The following NCK1 variants were observed in gnomAD, a reference collection of about 807,000 sequenced individuals.
The protein encoded by NCK1 is NCK adaptor protein 1.
NCK1 carries 19 observed loss-of-function variants against 36.6 expected under a neutral mutation model. The observed-to-expected ratio is 0.52, with a 90% CI of 0.36 to 0.76. The LOEUF (loss-of-function observed/expected upper bound fraction) is 0.76, where lower values mean the gene tolerates loss of function less well. Ranked by LOEUF, NCK1 falls within the 30% of genes least tolerant of loss-of-function variation. The pLI, the probability that NCK1 is intolerant of heterozygous loss-of-function variation, is 0.00. For synonymous variants in NCK1, 165 were observed against 156.0 expected (o/e 1.06, Z -0.43); for missense variants, 358 against 445.6 (o/e 0.80, Z 1.77).
At chr3:136,895,680 A>G (rs928197357) in intron 1 of NCK1, among the ~76,000 whole-genome samples, 1 of 151,864 alleles carries the variant, frequency 6.6e-6, no homozygotes, top group Non-Finnish European at 1.5e-5. Flanking sequence ...TTCTTGTGCC[A>G]CAGCCTCCCG....
In NCK1 at chr3:136,879,989, TA is replaced by T. The variant is rs891612999; in HGVS notation, c.-19+17649del. On this transcript the variant is annotated intron_variant, in intron 1 of 3. Transcript: ENST00000481752. ...ATGTACCCTAGAACTTAAAGAATATTAAAAAAAAAAAAAGGCTGGGCACAGT... is the reference window on the plus strand; with the variant it reads ...ATGTACCCTAGAACTTAAAGAATATTAAAAAAAAAAAAGGCTGGGCACAGT... 5.9e-3 allele frequency among the ~76,000 whole-genome samples: 710 copies of T among 119,458 alleles called. 20 individuals are homozygous for T. The highest frequency in any genetic ancestry group is 0.016 in the African/African-American group (509 of 31,654). 78.4% of individuals were successfully genotyped at this position (119,458 alleles called of 152,430 possible).
intron 1 of NCK1, among the ~76,000 whole-genome samples, chr3:136,914,642 A>G (rs1165283154): frequency 2.0e-5 from 3 of 152,242 alleles, no homozygotes; most frequent in Admixed American, 2.0e-4. Context: ...GTTAGCAAAC[A>G]TTTATAGAAG....
At position 136,864,723 on chromosome 3, in the gene NCK1, A is replaced by G. The variant is rs536074775; in HGVS notation, c.-19+2370A>G. ...AAGGAAAATAATAAAGAAAAGAGAT[A>G]CTTAGTGATACTTCATGGTTCTGGG... On this transcript the variant is annotated intron_variant, in intron 1 of 3. Transcript: ENST00000481752. Among the ~76,000 whole-genome samples the G allele has an allele frequency of 2.7e-5, 4 of 150,134 alleles. No individual in the cohort carries two copies. The South Asian group carries it at 8.4e-4, about 31-fold the overall frequency.
At position 136,897,936 on chromosome 3, in the gene NCK1, A is replaced by G. The variant is rs138643508; in HGVS notation, c.-18-30048A>G. Among the ~76,000 whole-genome samples the G allele has an allele frequency of 9.7e-4, 148 of 152,322 alleles. 1 individual carries two copies. The highest frequency in any genetic ancestry group is 3.5e-3 in the African/African-American group (145 of 41,572). ...AGCTTCCTAAAAAGCTGTATTATCTAATATCATAATAGGGATGACTAAATA... is the reference window on the plus strand; with the variant it reads ...AGCTTCCTAAAAAGCTGTATTATCTGATATCATAATAGGGATGACTAAATA... On this transcript the variant is annotated intron_variant, in intron 1 of 3. Coordinates refer to ENST00000481752, the MANE Select transcript of NCK1 (RefSeq NM_001291999.2).
intron 1 of NCK1, among the ~76,000 whole-genome samples, chr3:136,866,204 G>A (rs1275660960): frequency 1.3e-5 from 2 of 151,766 alleles, no homozygotes; most frequent in South Asian, 2.1e-4. Flanking sequence ...ATCAGTGCCA[G>A]CACTATTTCT....
chr3:136,931,537 T>G (rs1172573212), intron 2 of NCK1, among the ~76,000 whole-genome samples: 1 of 150,592 alleles, frequency 6.6e-6, no homozygotes, highest in Non-Finnish European at 1.5e-5. Flanking sequence ...TGTTTACTTT[T>G]TGGGGAGTTA....
chr3:136,917,819 C>A (rs1177801459), intron 1 of NCK1, among the ~76,000 whole-genome samples: 1 of 152,198 alleles, frequency 6.6e-6, no homozygotes, highest in Non-Finnish European at 1.5e-5. Context: ...ATTCCCAGAA[C>A]CTTCGCAATG....
At chr3:136,937,301 G>C (rs935130035) in intron 2 of NCK1, among the ~76,000 whole-genome samples, 3 of 152,078 alleles carry the variant, frequency 2.0e-5, no homozygotes, top group African/African-American at 7.2e-5. Context: ...TAGGACTCTC[G>C]ATTCTATTTC....
At chr3:136,908,737 G>C (rs1033487403) in intron 1 of NCK1, among the ~76,000 whole-genome samples, 1 of 152,176 alleles carries the variant, frequency 6.6e-6, no homozygotes. Context: ...TAGCTCTTAG[G>C]AAGAAGAGAA....
At chr3:136,873,630 C>G (rs1186900230) in intron 1 of NCK1, among the ~76,000 whole-genome samples, 1 of 152,016 alleles carries the variant, frequency 6.6e-6, no homozygotes, top group East Asian at 1.9e-4. Flanking sequence ...GGCTGTGTCC[C>G]CACCCATATT....
intron 2 of NCK1, among the ~76,000 whole-genome samples, chr3:136,933,094 G>A (rs1415966095): frequency 6.6e-6 from 1 of 152,192 alleles, no homozygotes; most frequent in Non-Finnish European, 1.5e-5. Flanking sequence ...TGAGAACCTA[G>A]CCTGGCAGCA....
chr3:136,896,471 T>C lies in NCK1; in HGVS notation c.-18-31513T>C, dbSNP rs185483019. Among the ~76,000 whole-genome samples the C allele has an allele frequency of 6.5e-4, 99 of 152,326 alleles. 2 individuals carry two copies. In the East Asian group the frequency reaches 0.016, roughly 24 times the overall value. The stretch of plus-strand genomic sequence containing the variant: ...TGTTGCTGCAAATGACATGATTTCA[T>C]TATTTTTTAATGGCCAAATAGTATC... On this transcript the variant is annotated intron_variant, in intron 1 of 3. Transcript: ENST00000481752.
intron 2 of NCK1, among the ~76,000 whole-genome samples, chr3:136,935,361 G>T (rs1940503922): frequency 6.6e-6 from 1 of 151,788 alleles, no homozygotes; most frequent in Admixed American, 6.6e-5. Flanking sequence ...AACTTAGTCT[G>T]TATTTTCAGG....
Position 136,891,408 on chromosome 3 carries a change from T to A in NCK1, c.-19+29055T>A, listed in dbSNP as rs943962955. ...CCTCAGCCTCCCAAAGTGCTGGGATTACAGGCATGAGCCACCACGCCTGGC... is the reference window on the plus strand; with the variant it reads ...CCTCAGCCTCCCAAAGTGCTGGGATAACAGGCATGAGCCACCACGCCTGGC... On this transcript the variant is annotated intron_variant, in intron 1 of 3. Transcript: ENST00000481752. 4.6e-5 allele frequency among the ~76,000 whole-genome samples: 7 copies of A among 152,232 alleles called. No individual in the cohort carries two copies. In the East Asian group the frequency reaches 1.3e-3, roughly 29 times the overall value.
At chr3:136,903,545 T>C (rs6810086) in intron 1 of NCK1, among the ~76,000 whole-genome samples, 152,142 of 152,222 alleles carry the variant, frequency 1, 76,031 homozygotes, top group Middle Eastern at 1. Flanking sequence ...CTGCCTCAGC[T>C]TCCTGAGTAG....
chr3:136,877,895 T>G (rs1938818632), intron 1 of NCK1, among the ~76,000 whole-genome samples: 1 of 152,176 alleles, frequency 6.6e-6, no homozygotes, highest in Non-Finnish European at 1.5e-5. Context: ...TCAGTCATAA[T>G]AGCCCCAAAG....
In NCK1 at chr3:136,926,265, TTTATTA is replaced by T. The variant is rs199777441; in HGVS notation, c.-18-1701_-18-1696del. 5.3e-4 allele frequency among the ~76,000 whole-genome samples: 79 copies of T among 148,404 alleles called. No individual in the cohort carries two copies. The East Asian group carries it at 0.012, about 22-fold the overall frequency. On this transcript the variant is annotated intron_variant, in intron 1 of 3. Coordinates refer to ENST00000481752, the MANE Select transcript of NCK1 (RefSeq NM_001291999.2). ...CTCTTTTTAAAATTTTATTTTAAAT[TTTATTA>T]TTATTATTATTATTATTTTTTGATA...
intron 2 of NCK1, 52 bp downstream of exon 2, chr3:136,928,279 C>T: frequency 4.7e-6 from 7 of 1,484,084 alleles, no homozygotes; most frequent in Non-Finnish European, 6.4e-6. Context: ...AAACCTGCAA[C>T]TTAGTTCTTT....
chr3:136,922,513 A>G (rs921369833), intron 1 of NCK1, among the ~76,000 whole-genome samples: 5 of 152,208 alleles, frequency 3.3e-5, no homozygotes, highest in African/African-American at 1.2e-4. Flanking sequence ...TGGAGTCATT[A>G]TTCTAGGATA....
Sources: gnomAD v4.1 joint callset for allele counts (sites outside exome capture counted in the v4.1 genomes callset) on GRCh38, gnomAD v4.1.1 for gene constraint, MANE v1.5 for transcripts, NCBI Gene and HGNC (gene_info 2026-07-23, HGNC 2026-07-21) for gene names.